Variants in ADAMTS5 observed in about 807,000 individuals in gnomAD.
The protein encoded by ADAMTS5 is A disintegrin and metalloproteinase with thrombospondin motifs 5.
Under a neutral mutation model 81.4 loss-of-function variants are expected in ADAMTS5, and 54 were observed. The ratio of observed to expected loss-of-function variants is 0.66; its 90% CI spans 0.53 to 0.83. ADAMTS5 has a LOEUF of 0.83. ADAMTS5 is among the 40% of genes least tolerant of loss of function. The pLI is 0.00. For missense variants in ADAMTS5, 1,194 were observed against 1,229.9 expected (o/e 0.97, Z 0.44); for synonymous variants, 532 against 508.8 (o/e 1.05, Z -0.61).
rs556887018 is a variant in ADAMTS5 at position 26,938,198 on chromosome 21, C to T, written c.1406-3449G>A. Among the ~76,000 whole-genome samples, 5 of 151,398 alleles carry T rather than the reference C, an allele frequency of 3.3e-5. No homozygotes were observed. In the South Asian group the frequency reaches 8.3e-4, roughly 25 times the overall value. ...GGTGGAGTTTGCAGTGAGCCAAGAT[C>T]GCACCATTGCACTCCAGCCTGGGCA... is the stretch of plus-strand genomic sequence containing the variant. On this transcript the variant is annotated intron_variant, in intron 3 of 7. Coordinates refer to ENST00000284987, the MANE Select transcript of ADAMTS5 (RefSeq NM_007038.5).
intron 1 of ADAMTS5, among the ~76,000 whole-genome samples, chr21:26,962,216 A>G (rs1987542939): frequency 6.6e-6 from 1 of 152,212 alleles, no homozygotes; most frequent in Non-Finnish European, 1.5e-5. Context: ...TGGTCTAAAA[A>G]AAAACGACTG....
At chr21:26,942,084 GC>G (rs2123185032) in intron 3 of ADAMTS5, among the ~76,000 whole-genome samples, 1 of 152,116 alleles carries the variant, frequency 6.6e-6, no homozygotes, top group African/African-American at 2.4e-5. Flanking sequence ...GACTCAGATT[GC>G]TTTTCAAAAT....
Position 26,943,473 on chromosome 21 carries a change from A to G in ADAMTS5, c.1312T>C (p.Leu438=). 1.2e-6 allele frequency: 2 copies of G among 1,613,812 alleles called. No homozygotes were observed. The highest frequency in any genetic ancestry group is 1.7e-6 in the Non-Finnish European group (2 of 1,179,800). ...ETFGSTEDKR[L]MSSILTSIDA... is the part of the protein sequence containing the mutation. ...ATGCTGGTAAGGATGGAAGACATTA[A>G]GCGCTTATCTTCTGTGGAACCAAAG... is the stretch of plus-strand genomic sequence containing the variant. Residue 438 remains leucine, a synonymous_variant, in exon 3 of 8, where the codon TTA becomes CTA. Transcript: ENST00000284987.
intron 1 of ADAMTS5, among the ~76,000 whole-genome samples, chr21:26,963,143 T>C (rs1021886169): frequency 1.3e-5 from 2 of 152,038 alleles, no homozygotes; most frequent in Non-Finnish European, 2.9e-5. Flanking sequence ...CCATGTGAAA[T>C]ATTTTCCATG....
At chr21:26,932,479 G>C (rs1435423121) in intron 5 of ADAMTS5, among the ~76,000 whole-genome samples, 1 of 152,078 alleles carries the variant, frequency 6.6e-6, no homozygotes, top group East Asian at 1.9e-4. Context: ...GGATCACAAG[G>C]TCAGGAGTGT....
chr21:26,959,953 C>T lies in ADAMTS5; in HGVS notation c.1105-5082G>A, dbSNP rs150136038. On this transcript the variant is annotated intron_variant, in intron 1 of 7. Coordinates refer to ENST00000284987, the MANE Select transcript of ADAMTS5 (RefSeq NM_007038.5). The stretch of plus-strand genomic sequence containing the variant: ...ATCTTATTAGATTCCTCCAGTCCTT[C>T]ATGTCAGCCTTAGCCTGGCATTCAA... Among the ~76,000 whole-genome samples the T allele has an allele frequency of 1.5e-3, 222 of 152,278 alleles. 3 individuals are homozygous for T. Among genetic ancestry groups the T allele is most frequent in the African/African-American group, 5.1e-3 (210 of 41,558 alleles).
At chr21:26,924,867 C>T (rs1407467129) in intron 7 of ADAMTS5, among the ~76,000 whole-genome samples, 1 of 152,068 alleles carries the variant, frequency 6.6e-6, no homozygotes, top group Non-Finnish European at 1.5e-5. Context: ...ATGCTAGCAA[C>T]CTGCCTTCAT....
At position 26,966,800 on chromosome 21, in the gene ADAMTS5, C is replaced by T. The variant is rs1246770032; in HGVS notation, c.-409G>A. 6.6e-6 allele frequency among the ~76,000 whole-genome samples: 1 copy of T among 152,182 alleles called. No individual in the cohort carries two copies. The stretch of plus-strand genomic sequence containing the variant: ...CCGCGCACCGGGCTGGCAACTGGTG[C>T]GCGCAGCCTCCCGCCCCCGCGCTGC... On this transcript the variant is annotated 5_prime_UTR_variant, in exon 1 of 8. Transcript: ENST00000284987.
In ADAMTS5 at chr21:26,966,920, GGAAGAAA is replaced by G. The variant is rs1270687119; in HGVS notation, c.-536_-530del. On this transcript the variant is annotated 5_prime_UTR_variant, in exon 1 of 8. The change abolishes the stop of an existing upstream ORF in the 5' untranslated region. Coordinates refer to ENST00000284987, the MANE Select transcript of ADAMTS5 (RefSeq NM_007038.5). ...TGGCTCTGCTGGGACCAGGAGGAAG[GGAAGAAA>G]GAGAGGGGAAAAAGCCGTAAAAATT... 1.3e-5 allele frequency among the ~76,000 whole-genome samples: 2 copies of G among 152,072 alleles called. No individual in the cohort carries two copies. Among genetic ancestry groups the G allele is most frequent in the African/African-American group, 4.8e-5 (2 of 41,418 alleles).
rs1371517199 is a variant in ADAMTS5, at chr21:26,965,671, G to T, written c.721C>A (p.Gln241Lys). The change falls in exon 1 of 8, where the codon CAG (glutamine) becomes AAG (lysine). Residue 241 changes from glutamine to lysine, a missense_variant. Transcript: ENST00000284987. Reference protein sequence around the residue: ...RAALASQLLDQSALSPAGGSG... With the variant: ...RAALASQLLDKSALSPAGGSG... ...CCCCCAGCGGGCGAGAGAGCGGACT[G>T]GTCCAAGAGCTGCGAGGCCAGTGCT... is the stretch of plus-strand genomic sequence containing the variant. The T allele has an allele frequency of 1.4e-5, 22 of 1,589,060 alleles. No homozygotes were observed. Among genetic ancestry groups the T allele is most frequent in the Non-Finnish European group, 1.8e-5 (21 of 1,170,360 alleles).
intron 6 of ADAMTS5, 45 bp downstream of exon 6, chr21:26,931,959 T>C: frequency 6.6e-7 from 1 of 1,517,444 alleles, no homozygotes; most frequent in Non-Finnish European, 8.9e-7. Flanking sequence ...CCAAATAATT[T>C]CCACCAGTAC....
chr21:26,941,039 A>G (rs1601007871), intron 3 of ADAMTS5, among the ~76,000 whole-genome samples: 2 of 152,126 alleles, frequency 1.3e-5, no homozygotes, highest in East Asian at 3.9e-4. Flanking sequence ...GACATAACTG[A>G]GCTTTGTCAT....
At chr21:26,958,357 G>A (rs534399680) in intron 1 of ADAMTS5, among the ~76,000 whole-genome samples, 11 of 152,150 alleles carry the variant, frequency 7.2e-5, no homozygotes, top group African/African-American at 2.7e-4. Flanking sequence ...CAAGGGAAGA[G>A]CACATACACA....
chr21:26,966,791 C>CA lies in ADAMTS5; in HGVS notation c.-401dup, dbSNP rs1987694808. 6.6e-6 allele frequency among the ~76,000 whole-genome samples: 1 copy of CA among 152,174 alleles called. No homozygotes were observed. Among genetic ancestry groups the CA allele is most frequent in the South Asian group, 2.1e-4 (1 of 4,824 alleles). ...GGAAAGGTACCGCGCACCGGGCTGG[C>CA]AACTGGTGCGCGCAGCCTCCCGCCC... On this transcript the variant is annotated 5_prime_UTR_variant, in exon 1 of 8. Coordinates refer to ENST00000284987, the MANE Select transcript of ADAMTS5 (RefSeq NM_007038.5).
intron 1 of ADAMTS5, among the ~76,000 whole-genome samples, chr21:26,957,699 TA>T (rs1361570736): frequency 1.3e-5 from 2 of 152,154 alleles, no homozygotes. Context: ...GAAGATTTAG[TA>T]AAATATGAAG....
chr21:26,966,065 G>A lies in ADAMTS5; in HGVS notation c.327C>T (p.Gly109=), dbSNP rs1453736944. The change falls in exon 1 of 8, where the codon GGC becomes GGT. Residue 109 remains glycine (G), a synonymous_variant. Coordinates refer to ENST00000284987, the MANE Select transcript of ADAMTS5 (RefSeq NM_007038.5). ...LLDLERDGSV[G]IAGFVPAGGG... is the part of the protein sequence containing the mutation. ...CTCCTGCGGGCACGAAGCCAGCAAT[G>A]CCCACCGAACCATCTCGCTCCAGGT... The A allele has an allele frequency of 5.0e-6, 8 of 1,613,126 alleles. No homozygotes were observed. The highest frequency in any genetic ancestry group is 6.8e-6 in the Non-Finnish European group (8 of 1,179,958).
At chr21:26,964,386 T>C (rs572664601) in intron 1 of ADAMTS5, among the ~76,000 whole-genome samples, 23 of 152,186 alleles carry the variant, frequency 1.5e-4, no homozygotes, top group Non-Finnish European at 2.6e-4. Flanking sequence ...GCCTTAAAGA[T>C]CCATTTCTTT....
At position 26,921,608 on chromosome 21, in the gene ADAMTS5, G is replaced by T. The variant is rs973078679; in HGVS notation, c.*2445C>A. On this transcript the variant is annotated 3_prime_UTR_variant, in exon 8 of 8. Transcript: ENST00000284987. ...AATTTTCCCTTTGTTCACAATTCGTGGTATCTATTGAACACTCCATTTCTC... is the reference window on the plus strand; with the variant it reads ...AATTTTCCCTTTGTTCACAATTCGTTGTATCTATTGAACACTCCATTTCTC... 6.6e-6 allele frequency: 1 copy of T among 152,130 alleles called. No homozygotes were observed. The highest frequency in any genetic ancestry group is 2.4e-5 in the African/African-American group (1 of 41,318). The allele number at this position is 152,130 out of a possible 1,614,324, so 9.4% of individuals were successfully genotyped here.
At chr21:26,945,635 CTT>C (rs999926565) in intron 2 of ADAMTS5, among the ~76,000 whole-genome samples, 87 of 152,270 alleles carry the variant, frequency 5.7e-4, no homozygotes, top group Admixed American at 1.6e-3. Flanking sequence ...TTCATTCTCT[CTT>C]TCAGAGAGGT....
Sources: gnomAD v4.1 joint callset for allele counts (sites outside exome capture counted in the v4.1 genomes callset) on GRCh38, gnomAD v4.1.1 for gene constraint, MANE v1.5 for transcripts, NCBI Gene and HGNC (gene_info 2026-07-23, HGNC 2026-07-21) for gene names.